The following DLG2 variants were observed in gnomAD, a reference collection of about 807,000 sequenced individuals.
The protein encoded by DLG2 is disks large homolog 2.
DLG2 carries 45 observed loss-of-function variants against 132.5 expected under a neutral mutation model. The ratio of observed to expected loss-of-function variants is 0.34; its 90% CI spans 0.27 to 0.44. DLG2 has a LOEUF of 0.44. Among genes scored for constraint, DLG2 ranks in the 20% least tolerant of loss-of-function variants. The pLI is 1.00. For missense variants in DLG2, 1,045 were observed against 1,196.9 expected, an observed-to-expected ratio of 0.87 and a Z score of 1.87; for synonymous variants, 424 against 419.6, an observed-to-expected ratio of 1.01 and a Z score of -0.13.
At chr11:84,242,547 AG>A (rs1349902672) in intron 8 of DLG2, among the ~76,000 whole-genome samples, 1 of 151,892 alleles carries the variant, frequency 6.6e-6, no homozygotes, top group Non-Finnish European at 1.5e-5. Flanking sequence ...CTGGGATTAC[AG>A]GTGTCTGCCA....
chr11:85,419,727 A>G (rs2090145705), intron 3 of DLG2, among the ~76,000 whole-genome samples: 2 of 152,124 alleles, frequency 1.3e-5, no homozygotes, highest in Non-Finnish European at 2.9e-5. Flanking sequence ...CAACTCGGCT[A>G]TTGATACTTG....
At chr11:84,197,792 A>T (rs1436487759) in intron 8 of DLG2, among the ~76,000 whole-genome samples, 2 of 152,164 alleles carry the variant, frequency 1.3e-5, no homozygotes, top group African/African-American at 4.8e-5. Context: ...TAATCCTAAC[A>T]CATACTGTGA....
intron 12 of DLG2, among the ~76,000 whole-genome samples, chr11:83,976,086 G>A (rs1400682886): frequency 6.6e-6 from 1 of 151,780 alleles, no homozygotes; most frequent in Non-Finnish European, 1.5e-5. Context: ...TACCCAATAT[G>A]GATGGTATGA....
intron 6 of DLG2, among the ~76,000 whole-genome samples, chr11:84,718,701 G>A (rs901980136): frequency 2.0e-5 from 3 of 152,174 alleles, no homozygotes; most frequent in African/African-American, 7.2e-5. Flanking sequence ...AGTAGCCATT[G>A]CAAGGATGCT....
intron 6 of DLG2, among the ~76,000 whole-genome samples, chr11:84,920,703 G>A (rs577985898): frequency 2.4e-5 from 3 of 123,626 alleles, no homozygotes; most frequent in African/African-American, 5.6e-5. Context: ...ATATTCTGAT[G>A]TTTGTAAATA....
At chr11:84,287,059 T>C (rs1010441295) in intron 7 of DLG2, among the ~76,000 whole-genome samples, 24 of 152,188 alleles carry the variant, frequency 1.6e-4, no homozygotes, top group African/African-American at 4.6e-4. Context: ...ATAATTGTTG[T>C]GGGAGATTAA....
intron 3 of DLG2, among the ~76,000 whole-genome samples, chr11:85,450,103 T>G (rs1306428934): frequency 6.6e-6 from 1 of 152,132 alleles, no homozygotes; most frequent in Admixed American, 6.6e-5. Flanking sequence ...CACTCCAGCC[T>G]GGGCAACAAG....
At chr11:84,056,642 A>C (rs2154127541) in intron 11 of DLG2, among the ~76,000 whole-genome samples, 1 of 152,314 alleles carries the variant, frequency 6.6e-6, no homozygotes, top group South Asian at 2.1e-4. Context: ...AAGAATTATA[A>C]GGTGCCAAGT....
chr11:85,209,595 CTT>C (rs60317922), intron 4 of DLG2, among the ~76,000 whole-genome samples: 5 of 116,946 alleles, frequency 4.3e-5, no homozygotes, highest in Admixed American at 9.2e-5. Flanking sequence ...ACCCAGCTAA[CTT>C]TTTTTTTTTT....
intron 4 of DLG2, among the ~76,000 whole-genome samples, chr11:85,260,766 C>T (rs903564719): frequency 3.3e-5 from 5 of 152,008 alleles, no homozygotes; most frequent in African/African-American, 1.2e-4. Context: ...TTAAAGTTTC[C>T]AAAAAGGAGT....
chr11:85,312,655 C>T (rs181888237), intron 3 of DLG2, among the ~76,000 whole-genome samples: 23 of 151,930 alleles, frequency 1.5e-4, no homozygotes, highest in Middle Eastern at 6.8e-3. Context: ...AGATTTGTCT[C>T]CATTTACCTT....
At chr11:84,362,118 A>C (rs2098653218) in intron 7 of DLG2, among the ~76,000 whole-genome samples, 1 of 151,988 alleles carries the variant, frequency 6.6e-6, no homozygotes, top group Non-Finnish European at 1.5e-5. Context: ...TTGAATAAAA[A>C]AGCAAACTAG....
intron 8 of DLG2, among the ~76,000 whole-genome samples, chr11:84,196,772 G>A (rs1353634821): frequency 1.3e-5 from 2 of 152,000 alleles, no homozygotes; most frequent in African/African-American, 4.8e-5. Context: ...CGAGTGCAGT[G>A]GCTCACACCT....
intron 6 of DLG2, among the ~76,000 whole-genome samples, chr11:84,813,625 AG>A (rs1233074460): frequency 6.6e-6 from 1 of 152,126 alleles, no homozygotes. Context: ...CAGAGAATGC[AG>A]GTGGAATAAC....
chr11:84,181,111 C>A (rs1346375048), intron 8 of DLG2, among the ~76,000 whole-genome samples: 2 of 151,654 alleles, frequency 1.3e-5, no homozygotes, highest in African/African-American at 4.8e-5. Context: ...CTTATATATA[C>A]ACACATATGT....
At chr11:84,795,288 A>C (rs981857850) in intron 6 of DLG2, among the ~76,000 whole-genome samples, 1 of 150,972 alleles carries the variant, frequency 6.6e-6, no homozygotes, top group Non-Finnish European at 1.5e-5. Context: ...GAGCTTCCCA[A>C]GGTGAGTCTC....
intron 6 of DLG2, among the ~76,000 whole-genome samples, chr11:84,582,254 G>A (rs1357363415): frequency 6.6e-6 from 1 of 151,184 alleles, no homozygotes; most frequent in Non-Finnish European, 1.5e-5. Context: ...GTTTATCAGG[G>A]ACTTGAATTG....
intron 4 of DLG2, among the ~76,000 whole-genome samples, chr11:85,224,826 C>T (rs555661806): frequency 1.3e-5 from 2 of 152,064 alleles, no homozygotes; most frequent in East Asian, 1.9e-4. Flanking sequence ...TTAACATAAT[C>T]GTGTAAAATA....
chr11:84,722,500 G>A (rs1002392444), intron 6 of DLG2, among the ~76,000 whole-genome samples: 4 of 151,992 alleles, frequency 2.6e-5, no homozygotes, highest in Admixed American at 1.3e-4. Context: ...AAATACTCTC[G>A]TCCCTTCTCC....
Sources: gnomAD v4.1 joint callset for allele counts (sites outside exome capture counted in the v4.1 genomes callset) on GRCh38, gnomAD v4.1.1 for gene constraint, MANE v1.5 for transcripts, NCBI Gene and HGNC (gene_info 2026-07-23, HGNC 2026-07-21) for gene names.